The following TIAM1 variants were observed in gnomAD, a reference collection of about 807,000 sequenced individuals.
TIAM1 encodes the protein rho guanine nucleotide exchange factor TIAM1.
A neutral mutation model predicts 163.5 loss-of-function variants in TIAM1; 65 were observed. The observed-to-expected ratio is 0.40, with a 90% CI of 0.33 to 0.49. The LOEUF (loss-of-function observed/expected upper bound fraction) is 0.49. Among genes scored for constraint, TIAM1 ranks in the 20% least tolerant of loss-of-function variants. TIAM1 has a pLI of 0.77. For missense variants in TIAM1, 1,789 were observed against 2,044.7 expected, an observed-to-expected ratio of 0.87 and a Z score of 2.41; for synonymous variants, 833 against 810.1, an observed-to-expected ratio of 1.03 and a Z score of -0.48.
chr21:31,152,790 T>G (rs1240236361), intron 18 of TIAM1, 29 bp from the exon 19 acceptor site: 115 of 1,610,508 alleles, frequency 7.1e-5, no homozygotes, highest in Non-Finnish European at 9.5e-5. Flanking sequence ...TTAATGCACC[T>G]CATATCTCAT....
At chr21:31,337,963 G>T (rs889133759) in intron 2 of TIAM1, among the ~76,000 whole-genome samples, 2 of 152,114 alleles carry the variant, frequency 1.3e-5, no homozygotes, top group African/African-American at 4.8e-5. Flanking sequence ...TGCCCTTAGG[G>T]ACTGGATTCC....
intron 2 of TIAM1, among the ~76,000 whole-genome samples, chr21:31,401,178 G>A (rs2077158435): frequency 6.6e-6 from 1 of 152,162 alleles, no homozygotes; most frequent in African/African-American, 2.4e-5. Flanking sequence ...ATGAAAAGAT[G>A]AATTCATATG....
At chr21:31,244,973 T>C (rs1479551731) in intron 6 of TIAM1, among the ~76,000 whole-genome samples, 1 of 152,102 alleles carries the variant, frequency 6.6e-6, no homozygotes, top group Non-Finnish European at 1.5e-5. Context: ...TTTTAAAAAA[T>C]GTTGAAATTC....
In TIAM1 at chr21:31,120,603, G is replaced by A; in HGVS notation, c.4541C>T (p.Ser1514Phe). 2 of 1,614,140 alleles carry A rather than the reference G, an allele frequency of 1.2e-6. No individual in the cohort carries two copies. Among genetic ancestry groups the A allele is most frequent in the Non-Finnish European group, 1.7e-6 (2 of 1,180,032 alleles). The change falls in exon 28 of 28, where the codon TCC becomes TTC. Residue 1514 changes from serine (S) to phenylalanine (F), a missense_variant. This residue lies in a region of TIAM1 where 415 missense variants were observed against 439.2 expected (regional missense o/e 0.94). Coordinates refer to ENST00000541036, the MANE Select transcript of TIAM1 (RefSeq NM_001353694.2). The surrounding 1 kb of genome is among the most constrained non-coding windows in gnomAD (Gnocchi z 4.2). ...ILSDDDEFCE[S>F]VKGASVDRDL... is the part of the protein sequence containing the mutation. ...TCTGTCCACTGAGGCACCCTTCACG[G>A]ACTCACAGAACTCATCATCGTCACT...
At chr21:31,513,550 G>A (rs2047281784) in intron 1 of TIAM1, among the ~76,000 whole-genome samples, 1 of 152,174 alleles carries the variant, frequency 6.6e-6, no homozygotes, top group Admixed American at 6.5e-5. Flanking sequence ...TCCCTTCCAT[G>A]TTCTTTAGCA....
intron 2 of TIAM1, among the ~76,000 whole-genome samples, chr21:31,320,953 T>C (rs983872116): frequency 1.3e-5 from 2 of 151,712 alleles, no homozygotes; most frequent in African/African-American, 4.9e-5. Context: ...GATCACACCA[T>C]TGCACTCCAG....
In TIAM1 at chr21:31,228,560, AATGG is replaced by A. The variant is rs1202766225; in HGVS notation, c.1585-2614_1585-2611del. Among the ~76,000 whole-genome samples the A allele has an allele frequency of 3.3e-5, 5 of 152,336 alleles. 1 individual carries two copies. Among genetic ancestry groups the A allele is most frequent in the Non-Finnish European group, 7.3e-5 (5 of 68,032 alleles). On this transcript the variant is annotated intron_variant, in intron 6 of 27. Coordinates refer to ENST00000541036, the MANE Select transcript of TIAM1 (RefSeq NM_001353694.2). ...ACCATCCAGGTGCCACCAATAGGGG[AATGG>A]ATGAATATGTGGGATAATCACACAA...
intron 2 of TIAM1, among the ~76,000 whole-genome samples, chr21:31,300,041 G>C (rs2074441949): frequency 6.6e-6 from 1 of 152,250 alleles, no homozygotes; most frequent in South Asian, 2.1e-4. Context: ...TTGGAGGTGG[G>C]GCCTGGTGAA....
intron 4 of TIAM1, among the ~76,000 whole-genome samples, chr21:31,258,748 G>C (rs2072269900): frequency 6.6e-6 from 1 of 151,896 alleles, no homozygotes; most frequent in Admixed American, 6.6e-5. Flanking sequence ...CCGGGAGGCG[G>C]AGGTTGCAGT....
rs113352698 is a variant in TIAM1, at chr21:31,369,212, C to G, written c.-368-29790G>C. ...CTGCACTCCAGCCTGGGTGACAGAG[C>G]GAGAATCCATCTCAAAAAAAAAGAA... On this transcript the variant is annotated intron_variant, in intron 2 of 28. Coordinates refer to the TIAM1 transcript ENST00000286827. Among the ~76,000 whole-genome samples, 464 of 99,700 alleles carry G rather than the reference C, an allele frequency of 4.7e-3. 2 individuals carry two copies. The highest frequency in any genetic ancestry group is 0.019 in the African/African-American group (409 of 21,710). 65.4% of individuals were successfully genotyped at this position (99,700 alleles called of 152,430 possible).
intron 17 of TIAM1, 31 bp downstream of exon 17, chr21:31,154,216 G>T: frequency 6.2e-7 from 1 of 1,606,560 alleles, no homozygotes; most frequent in African/African-American, 1.3e-5. Context: ...ACGAGGCAGA[G>T]GGAGGGCAGG....
In TIAM1 at chr21:31,252,110, C is replaced by T; in HGVS notation, c.1043G>A (p.Arg348Lys). The change falls in exon 5 of 28, where the codon AGG becomes AAG. Residue 348 changes from arginine to lysine, a missense_variant. Physicochemically the swap from Arg to Lys is conservative, Grantham distance 26. This residue lies in a region of TIAM1 where 555 missense variants were observed against 564.9 expected (regional missense o/e 0.98). Coordinates refer to ENST00000541036, the MANE Select transcript of TIAM1 (RefSeq NM_001353694.2). ...GCTGGAGTTGGTGGCATTAGATCGC[C>T]TGGACAGGAGGTCCGTGTCGGTAGT... ...GATTDTDLLS[R>K]RSNATNSSYS... 1.9e-6 allele frequency: 3 copies of T among 1,613,668 alleles called. No homozygotes were observed. The highest frequency in any genetic ancestry group is 2.5e-6 in the Non-Finnish European group (3 of 1,180,036).
At chr21:31,453,350 T>C (rs1357824968) in intron 2 of TIAM1, 1 of 160,848 alleles carries the variant, frequency 6.2e-6, no homozygotes, top group Non-Finnish European at 1.3e-5. Context: ...ACTGTGGGTG[T>C]CTATAGGTAG....
At chr21:31,199,498 G>A (rs1342282408) in intron 12 of TIAM1, among the ~76,000 whole-genome samples, 1 of 150,528 alleles carries the variant, frequency 6.6e-6, no homozygotes, top group Non-Finnish European at 1.5e-5. Flanking sequence ...CCCCTGCCCA[G>A]GCCTTAGCCA....
chr21:31,313,297 TG>T (rs2074997192), intron 2 of TIAM1, among the ~76,000 whole-genome samples: 1 of 152,158 alleles, frequency 6.6e-6, no homozygotes, highest in Non-Finnish European at 1.5e-5. Context: ...CGGAGGGGGA[TG>T]GGGGTGAGGA....
Position 31,477,471 on chromosome 21 carries a change from T to C in TIAM1, c.-421-13436A>G, listed in dbSNP as rs1181070352. Among the ~76,000 whole-genome samples the C allele has an allele frequency of 3.6e-5, 4 of 110,606 alleles. No individual in the cohort carries two copies. In the East Asian group the frequency reaches 1.1e-3, roughly 29 times the overall value. The allele number at this position is 110,606 out of a possible 152,430, so 72.6% of individuals were successfully genotyped here. On this transcript the variant is annotated intron_variant, in intron 1 of 28. Transcript: ENST00000286827. Reference sequence around the variant, plus strand: ...CAGCGACTCAGGAAAGGGAACTAAATGCATTTTTTTTTTTTTTTTTTGAGA... The same window carrying C: ...CAGCGACTCAGGAAAGGGAACTAAACGCATTTTTTTTTTTTTTTTTTGAGA...
At chr21:31,483,352 C>T (rs1381227272) in intron 1 of TIAM1, among the ~76,000 whole-genome samples, 4 of 152,142 alleles carry the variant, frequency 2.6e-5, no homozygotes, top group Admixed American at 2.6e-4. Flanking sequence ...GAGTGGGTCT[C>T]GTGCCAAGAA....
chr21:31,216,247 T>A (rs2087202268), intron 9 of TIAM1, among the ~76,000 whole-genome samples: 1 of 152,210 alleles, frequency 6.6e-6, no homozygotes, highest in South Asian at 2.1e-4. Context: ...CTTTCAGGAC[T>A]AATCTCTTTT....
chr21:31,289,636 A>C (rs2073938703), intron 2 of TIAM1, among the ~76,000 whole-genome samples: 1 of 152,212 alleles, frequency 6.6e-6, no homozygotes, highest in African/African-American at 2.4e-5. Context: ...AAGCATATGA[A>C]GTCATTGCGA....
Sources: allele counts gnomAD v4.1 joint callset (sites outside exome capture counted in the v4.1 genomes callset), GRCh38; gene constraint gnomAD v4.1.1; regional missense constraint gnomAD v4.1.1; non-coding constraint Gnocchi (gnomAD v3.1); transcripts MANE v1.5; gene names NCBI Gene and HGNC (gene_info 2026-07-23, HGNC 2026-07-21).